Variants in NIPBL observed in about 807,000 individuals in gnomAD.
NIPBL encodes NIPBL cohesin loading factor, also known as nipped-B-like protein.
NIPBL carries 19 observed loss-of-function variants against 321.8 expected under a neutral mutation model. The ratio of observed to expected loss-of-function variants is 0.06; its 90% CI spans 0.04 to 0.09. NIPBL has a LOEUF of 0.09. Among genes scored for constraint, NIPBL ranks in the 10% least tolerant of loss-of-function variants. The pLI, the probability that NIPBL is intolerant of heterozygous loss-of-function variation, is 1.00. For synonymous variants in NIPBL, 1,106 were observed against 1,114.1 expected (o/e 0.99, Z 0.14); for missense variants, 2,210 against 3,327.0 (o/e 0.66, Z 8.26).
chr5:37,063,844 G>T lies in NIPBL; in HGVS notation c.7915G>T (p.Val2639Phe). 1.2e-6 allele frequency: 2 copies of T among 1,613,992 alleles called. No individual in the cohort carries two copies. The highest frequency in any genetic ancestry group is 1.7e-6 in the Non-Finnish European group (2 of 1,179,970). The part of the protein sequence containing the change: ...DPDEEEEEGE[V>F]SASTNARNKA... Reference sequence around the variant, plus strand: ...TGATGAAGAAGAAGAAGAAGGGGAGGTTTCAGCTAGCACAAATGCTCGGAA... The same window carrying T: ...TGATGAAGAAGAAGAAGAAGGGGAGTTTTCAGCTAGCACAAATGCTCGGAA... The change falls in exon 46 of 47, where the codon GTT (valine) becomes TTT (phenylalanine). Residue 2639 changes from valine (V) to phenylalanine (F), a missense_variant. Physicochemically the swap from Val to Phe is conservative, Grantham distance 50. Around this residue, in one of 14 missense-constraint regions of NIPBL, gnomAD observed 159 missense variants for 319.2 expected, o/e 0.50. Transcript: ENST00000282516.
rs1475759510 is a variant in NIPBL at position 37,000,582 on chromosome 5, G to A, written c.3502+12G>A. 17 of 1,612,118 alleles carry A rather than the reference G, an allele frequency of 1.1e-5. No homozygotes were observed. On this transcript the variant is annotated intron_variant, in intron 12 of 46. Coordinates refer to ENST00000282516, the MANE Select transcript of NIPBL (RefSeq NM_133433.4). Reference sequence around the variant, plus strand: ...CAGCCTTAGTGAGGGTAATTCATCAGTGTCAACGGATTTCTTACATAAACC... The same window carrying A: ...CAGCCTTAGTGAGGGTAATTCATCAATGTCAACGGATTTCTTACATAAACC...
At chr5:37,005,328 A>G (rs779236433) in intron 16 of NIPBL, among the ~76,000 whole-genome samples, 27 of 152,210 alleles carry the variant, frequency 1.8e-4, no homozygotes, top group Non-Finnish European at 3.2e-4. Context: ...AATCTACTCC[A>G]TTGTTAGTCT....
At chr5:36,978,690 C>T (rs1312576139) in intron 9 of NIPBL, among the ~76,000 whole-genome samples, 3 of 151,438 alleles carry the variant, frequency 2.0e-5, no homozygotes, top group African/African-American at 7.3e-5. Context: ...GAGTTTTTTG[C>T]AGGTTTTCTT....
At chr5:36,927,588 G>C (rs1241585620) in intron 1 of NIPBL, among the ~76,000 whole-genome samples, 1 of 152,112 alleles carries the variant, frequency 6.6e-6, no homozygotes, top group Non-Finnish European at 1.5e-5. Context: ...AAAAAAGATA[G>C]GAGTCAAGGA....
intron 9 of NIPBL, among the ~76,000 whole-genome samples, chr5:36,983,620 C>G (rs1744397220): frequency 6.6e-6 from 1 of 151,910 alleles, no homozygotes; most frequent in Non-Finnish European, 1.5e-5. Flanking sequence ...CATACTCAAG[C>G]AATTCAGCAA....
At chr5:36,978,380 C>T (rs1375419412) in intron 9 of NIPBL, among the ~76,000 whole-genome samples, 1 of 151,954 alleles carries the variant, frequency 6.6e-6, no homozygotes, top group Non-Finnish European at 1.5e-5. Context: ...TGTTTGTTGG[C>T]TGTGTGTACA....
chr5:36,969,119 T>C lies in NIPBL; in HGVS notation c.611-1757T>C, dbSNP rs1489622056. Among the ~76,000 whole-genome samples, 3 of 152,140 alleles carry C rather than the reference T, an allele frequency of 2.0e-5. No homozygotes were observed. In the East Asian group the frequency reaches 5.8e-4, roughly 29 times the overall value. On this transcript the variant is annotated intron_variant, in intron 6 of 46. Coordinates refer to ENST00000282516, the MANE Select transcript of NIPBL (RefSeq NM_133433.4). ...AATTTAATGAAAGATGTAAAAGACTTTTGTGGAGCAAATTACAAAACTTTT... is the reference window on the plus strand; with the variant it reads ...AATTTAATGAAAGATGTAAAAGACTCTTGTGGAGCAAATTACAAAACTTTT...
At chr5:36,991,247 T>C (rs1375020066) in intron 10 of NIPBL, among the ~76,000 whole-genome samples, 1 of 152,104 alleles carries the variant, frequency 6.6e-6, no homozygotes, top group Admixed American at 6.5e-5. Flanking sequence ...CTTTCAAAGC[T>C]TGGTTCATTC....
chr5:36,891,449 G>T (rs532506816), intron 1 of NIPBL, among the ~76,000 whole-genome samples: 1 of 152,154 alleles, frequency 6.6e-6, no homozygotes, highest in African/African-American at 2.4e-5. Flanking sequence ...GTGGTGAGGC[G>T]CAGTAAGTCA....
intron 34 of NIPBL, 80 bp from the exon 35 acceptor site, chr5:37,044,267 C>T: frequency 1.5e-6 from 2 of 1,297,784 alleles, no homozygotes; most frequent in South Asian, 1.3e-5. Context: ...TGCCCTATTT[C>T]TGCCCCCAAA....
At chr5:36,893,604 G>T (rs978187531) in intron 1 of NIPBL, among the ~76,000 whole-genome samples, 1 of 151,930 alleles carries the variant, frequency 6.6e-6, no homozygotes, top group South Asian at 2.1e-4. Flanking sequence ...TAACTGCAGT[G>T]TGTTCAGCAA....
chr5:36,883,480 GCA>G (rs1190167576), intron 1 of NIPBL, among the ~76,000 whole-genome samples: 2 of 151,902 alleles, frequency 1.3e-5, no homozygotes, highest in Admixed American at 1.3e-4. Flanking sequence ...CAGGTGAAAT[GCA>G]CAGTTATTTT....
intron 1 of NIPBL, among the ~76,000 whole-genome samples, chr5:36,937,716 AACAACT>A: frequency 6.6e-6 from 1 of 152,282 alleles, no homozygotes; most frequent in South Asian, 2.1e-4. Context: ...TGTACTTCTG[AACAACT>A]ACTAATTCAC....
Position 37,006,482 on chromosome 5 carries a change from G to C in NIPBL, c.3981G>C (p.Val1327=). 6.2e-7 allele frequency: 1 copy of C among 1,611,742 alleles called. No individual in the cohort carries two copies. Among genetic ancestry groups the C allele is most frequent in the Non-Finnish European group, 8.5e-7 (1 of 1,178,094 alleles). ...IMTSPNMPKA[V]YIEDVIERVI... The stretch of plus-strand genomic sequence containing the variant: ...CATCCCCTAACATGCCAAAAGCTGT[G>C]TACATTGAGGATGTAATTGAAAGAG... The change falls in exon 17 of 47, where the codon GTG becomes GTC. Residue 1327 remains valine, a synonymous_variant. Coordinates refer to ENST00000282516, the MANE Select transcript of NIPBL (RefSeq NM_133433.4).
At chr5:37,028,520 T>C (rs926189564) in intron 32 of NIPBL, among the ~76,000 whole-genome samples, 1 of 151,954 alleles carries the variant, frequency 6.6e-6, no homozygotes. Flanking sequence ...TTTGTATTTT[T>C]AGTAGAGATG....
At chr5:36,952,910 G>C (rs537936682) in intron 1 of NIPBL, among the ~76,000 whole-genome samples, 1 of 152,246 alleles carries the variant, frequency 6.6e-6, no homozygotes, top group Non-Finnish European at 1.5e-5. Flanking sequence ...ATAATATTGG[G>C]CAATAAATGT....
At chr5:37,029,895 T>C (rs1020947541) in intron 32 of NIPBL, among the ~76,000 whole-genome samples, 1 of 152,214 alleles carries the variant, frequency 6.6e-6, no homozygotes, top group Non-Finnish European at 1.5e-5. Context: ...CATCATTTCT[T>C]TCCTAAATCA....
chr5:37,038,548 G>T (rs982893092), intron 33 of NIPBL, 54 bp from the exon 34 acceptor site: 5 of 1,536,326 alleles, frequency 3.3e-6, no homozygotes, highest in Non-Finnish European at 4.5e-6. Flanking sequence ...ATTCTGTATA[G>T]TTTCCACTAC....
intron 43 of NIPBL, 32 bp downstream of exon 43, chr5:37,057,364 T>G: frequency 6.3e-6 from 10 of 1,597,266 alleles, no homozygotes; most frequent in Non-Finnish European, 8.6e-6. Flanking sequence ...TCTTAATCCA[T>G]CTGTCAAAGT....
Sources: allele counts gnomAD v4.1 joint callset (sites outside exome capture counted in the v4.1 genomes callset), GRCh38; gene constraint gnomAD v4.1.1; regional missense constraint gnomAD v4.1.1; transcripts MANE v1.5; gene names NCBI Gene and HGNC (gene_info 2026-07-23, HGNC 2026-07-21).